XYLT1: variants seen among roughly 807,000 people sequenced by gnomAD.
XYLT1 encodes the protein xylosyltransferase 1, also known as beta-D-xylosyltransferase 1.
In XYLT1, 36 loss-of-function variants were observed where a neutral mutation model predicts 91.3. That is an observed-to-expected ratio of 0.39 (90% CI 0.30 to 0.52). XYLT1 has a LOEUF of 0.52. Ranked by LOEUF, XYLT1 falls within the 20% of genes least tolerant of loss-of-function variation. XYLT1 has a pLI of 0.68. For missense variants in XYLT1, 1,242 were observed against 1,284.5 expected, an observed-to-expected ratio of 0.97 and a Z score of 0.51; for synonymous variants, 588 against 532.0, an observed-to-expected ratio of 1.11 and a Z score of -1.45.
At position 17,292,754 on chromosome 16, in the gene XYLT1, T is replaced by C. The variant is rs540849766; in HGVS notation, c.403-33256A>G. Among the ~76,000 whole-genome samples the C allele has an allele frequency of 1.8e-3, 271 of 152,370 alleles. 1 individual carries two copies. Among genetic ancestry groups the C allele is most frequent in the African/African-American group, 6.1e-3 (253 of 41,590 alleles). On this transcript the variant is annotated intron_variant, in intron 2 of 11. Coordinates refer to ENST00000261381, the MANE Select transcript of XYLT1 (RefSeq NM_022166.4). Reference sequence around the variant, plus strand: ...ACATTTGTGTTGACATCATCCCTGTTGGCCCACACATGGTCTTTCAGAAAC... The same window carrying C: ...ACATTTGTGTTGACATCATCCCTGTCGGCCCACACATGGTCTTTCAGAAAC...
intron 2 of XYLT1, among the ~76,000 whole-genome samples, chr16:17,267,409 CTT>C (rs901190615): frequency 8.4e-4 from 128 of 152,276 alleles, no homozygotes; most frequent in African/African-American, 3.0e-3. Context: ...AAGTCTGAGT[CTT>C]TTGTTTGTTT....
intron 8 of XYLT1, among the ~76,000 whole-genome samples, chr16:17,135,300 C>T (rs566471999): frequency 4.6e-5 from 7 of 152,192 alleles, no homozygotes; most frequent in Non-Finnish European, 7.4e-5. Context: ...TCCACCATGC[C>T]CTATTGCCTC....
At chr16:17,155,951 C>T (rs2031396734) in intron 6 of XYLT1, among the ~76,000 whole-genome samples, 1 of 152,170 alleles carries the variant, frequency 6.6e-6, no homozygotes, top group South Asian at 2.1e-4. Flanking sequence ...CTTTCTCCTA[C>T]CAGCAACAAT....
chr16:17,151,158 G>C (rs1424569909), intron 6 of XYLT1, among the ~76,000 whole-genome samples: 1 of 152,196 alleles, frequency 6.6e-6, no homozygotes, highest in Non-Finnish European at 1.5e-5. Context: ...GGGCGTGGTG[G>C]CTCACGCCTG....
chr16:17,164,065 A>AAAAAAAAAAAAAAAAAAAC (rs2031621402), intron 5 of XYLT1, among the ~76,000 whole-genome samples: 1 of 146,448 alleles, frequency 6.8e-6, no homozygotes, highest in Non-Finnish European at 1.5e-5. Flanking sequence ...AAAAAAAAAA[A>AAAAAAAAAAAAAAAAAAAC]AAAAGAAAGA....
At chr16:17,314,389 G>A (rs376621351) in intron 2 of XYLT1, among the ~76,000 whole-genome samples, 114 of 152,222 alleles carry the variant, frequency 7.5e-4, no homozygotes, top group African/African-American at 2.6e-3. Context: ...ACGTTGCCGA[G>A]TCAGTCATTT....
intron 3 of XYLT1, among the ~76,000 whole-genome samples, chr16:17,241,876 C>T (rs372523687): frequency 6.5e-4 from 99 of 152,248 alleles, no homozygotes; most frequent in African/African-American, 2.3e-3. Context: ...TAGAGTCATA[C>T]CCGAGACTGG....
chr16:17,289,194 C>T (rs1012496769), intron 2 of XYLT1, among the ~76,000 whole-genome samples: 5 of 152,152 alleles, frequency 3.3e-5, no homozygotes, highest in Admixed American at 6.5e-5. Context: ...AGTCATAGGG[C>T]GTATGTAAAT....
chr16:17,131,822 C>T lies in XYLT1; in HGVS notation c.2027+2651G>A, dbSNP rs112415032. Among the ~76,000 whole-genome samples the T allele has an allele frequency of 7.4e-3, 1,124 of 152,280 alleles. 13 individuals are homozygous for T. The highest frequency in any genetic ancestry group is 0.026 in the African/African-American group (1,072 of 41,554). ...TTTTCACTTGCTGTTTCCCCACATG[C>T]CCCGGGGCTAGGAATCCATTCTCTT... On this transcript the variant is annotated intron_variant, in intron 9 of 11. Transcript: ENST00000261381.
At chr16:17,289,780 C>G (rs2034195363) in intron 2 of XYLT1, among the ~76,000 whole-genome samples, 1 of 152,124 alleles carries the variant, frequency 6.6e-6, no homozygotes, top group Non-Finnish European at 1.5e-5. Flanking sequence ...AAAACAAACG[C>G]AAACATGCAA....
chr16:17,352,809 G>A (rs1486704289), intron 2 of XYLT1, among the ~76,000 whole-genome samples: 1 of 152,086 alleles, frequency 6.6e-6, no homozygotes, highest in Non-Finnish European at 1.5e-5. Context: ...TTTTTCATCT[G>A]ACTCTCCTAG....
chr16:17,259,068 T>C lies in XYLT1; in HGVS notation c.833A>G (p.Gln278Arg). ...LSRAKSKHCRQEIGETYCRHK... is the reference protein window; with the variant it reads ...LSRAKSKHCRREIGETYCRHK... ...GCGGCAGTAAGTCTCCCCAATCTCC[T>C]GGCGGCAGTGCTTGGACTTAGCACG... The change falls in exon 3 of 12, where the codon CAG (glutamine) becomes CGG (arginine). Residue 278 changes from glutamine to arginine, a missense_variant. Transcript: ENST00000261381. 6.6e-7 allele frequency: 1 copy of C among 1,525,296 alleles called. No individual in the cohort carries two copies. Among genetic ancestry groups the C allele is most frequent in the Non-Finnish European group, 8.8e-7 (1 of 1,137,464 alleles). 94.5% of individuals were successfully genotyped at this position (1,525,296 alleles called of 1,614,324 possible). A position where few individuals can be genotyped will look rare whatever the true frequency, so the allele number is the denominator to read the frequency against.
At chr16:17,180,433 G>C (rs1321820559) in intron 5 of XYLT1, among the ~76,000 whole-genome samples, 1 of 152,144 alleles carries the variant, frequency 6.6e-6, no homozygotes. Flanking sequence ...CCGGCATCCT[G>C]AAGAGCATGA....
Position 17,167,787 on chromosome 16 carries a change from A to C in XYLT1, c.1290-8878T>G, listed in dbSNP as rs150259399. 6.7e-3 allele frequency among the ~76,000 whole-genome samples: 1,014 copies of C among 151,158 alleles called. 11 individuals carry two copies. The highest frequency in any genetic ancestry group is 0.034 in the Middle Eastern group (10 of 290). ...TTCTAACTCATCCTTCCATCTCGTGAATGGATTCTAATTCATCCTTCCATC... is the reference window on the plus strand; with the variant it reads ...TTCTAACTCATCCTTCCATCTCGTGCATGGATTCTAATTCATCCTTCCATC... On this transcript the variant is annotated intron_variant, in intron 5 of 11. Transcript: ENST00000261381.
At chr16:17,238,789 TCAACGGCACCAG>T (rs2141731257) in intron 3 of XYLT1, among the ~76,000 whole-genome samples, 1 of 152,382 alleles carries the variant, frequency 6.6e-6, no homozygotes, top group East Asian at 1.9e-4. Flanking sequence ...TCTTTCAGTT[TCAACGGCACCAG>T]TGGAGCTGGA....
chr16:17,129,064 G>A (rs2030364250), intron 9 of XYLT1, among the ~76,000 whole-genome samples: 2 of 108,588 alleles, frequency 1.8e-5, no homozygotes, highest in East Asian at 5.3e-4. Flanking sequence ...TGCCTTCCAG[G>A]GAGCATAGAA....
chr16:17,402,629 T>C (rs2035984222), intron 1 of XYLT1, among the ~76,000 whole-genome samples: 1 of 152,190 alleles, frequency 6.6e-6, no homozygotes, highest in Non-Finnish European at 1.5e-5. Context: ...CTTGTCTCCA[T>C]GGCAAACACC....
At chr16:17,202,104 G>C (rs2032554450) in intron 3 of XYLT1, among the ~76,000 whole-genome samples, 2 of 152,152 alleles carry the variant, frequency 1.3e-5, no homozygotes, top group Non-Finnish European at 2.9e-5. Flanking sequence ...TCCTAGTTTA[G>C]TTTATTACAA....
At chr16:17,369,229 A>C (rs1043097785) in intron 1 of XYLT1, among the ~76,000 whole-genome samples, 4 of 151,260 alleles carry the variant, frequency 2.6e-5, no homozygotes, top group African/African-American at 9.7e-5. Flanking sequence ...TCCCGGGTTC[A>C]AGCGATTCTC....
Sources: gnomAD v4.1 joint callset for allele counts (sites outside exome capture counted in the v4.1 genomes callset) on GRCh38, gnomAD v4.1.1 for gene constraint, MANE v1.5 for transcripts, NCBI Gene and HGNC (gene_info 2026-07-23, HGNC 2026-07-21) for gene names.